The following TIAM1 variants were observed in gnomAD, a reference collection of about 807,000 sequenced individuals.
TIAM1 encodes the protein rho guanine nucleotide exchange factor TIAM1.
Under a neutral mutation model 163.5 loss-of-function variants are expected in TIAM1, and 65 were observed. The ratio of observed to expected loss-of-function variants is 0.40; its 90% confidence interval spans 0.33 to 0.49. TIAM1 has a LOEUF of 0.49. Ranked by LOEUF, TIAM1 falls within the 20% of genes least tolerant of loss-of-function variation. TIAM1 has a pLI of 0.77. For synonymous variants in TIAM1, 833 were observed against 810.1 expected (o/e 1.03, Z -0.48); for missense variants, 1,789 against 2,044.7 (o/e 0.87, Z 2.41).
At chr21:31,550,545 T>A (rs2048648958) in intron 1 of TIAM1, among the ~76,000 whole-genome samples, 1 of 152,188 alleles carries the variant, frequency 6.6e-6, no homozygotes, top group Admixed American at 6.5e-5. Context: ...GATGAAAGTG[T>A]CCTAAAATCG....
At chr21:31,489,068 CG>C (rs2046368821) in intron 1 of TIAM1, among the ~76,000 whole-genome samples, 1 of 151,202 alleles carries the variant, frequency 6.6e-6, no homozygotes, top group Non-Finnish European at 1.5e-5. Context: ...GCCAACTAAA[CG>C]GTAACAATAA....
chr21:31,240,188 G>A (rs957630492), intron 6 of TIAM1, among the ~76,000 whole-genome samples: 5 of 152,248 alleles, frequency 3.3e-5, no homozygotes, highest in Admixed American at 1.3e-4. Flanking sequence ...AAAGTGTCCT[G>A]GTGAATGCCA....
intron 1 of TIAM1, among the ~76,000 whole-genome samples, chr21:31,474,792 T>C (rs2045877587): frequency 6.6e-6 from 1 of 151,828 alleles, no homozygotes; most frequent in African/African-American, 2.4e-5. Context: ...TTGATCCGCC[T>C]GCCTTGGCCT....
chr21:31,326,123 A>G (rs2075480701), intron 2 of TIAM1, among the ~76,000 whole-genome samples: 1 of 151,130 alleles, frequency 6.6e-6, no homozygotes, highest in Admixed American at 6.6e-5. Context: ...CGAGACCCCA[A>G]CTCCCCTCCC....
intron 6 of TIAM1, among the ~76,000 whole-genome samples, chr21:31,231,440 T>C (rs1035188607): frequency 2.0e-5 from 3 of 152,144 alleles, no homozygotes; most frequent in Admixed American, 2.0e-4. Context: ...CCTTATTTAA[T>C]GAAAGTGGGT....
intron 15 of TIAM1, among the ~76,000 whole-genome samples, chr21:31,173,654 TATAAAGAGAAATTTA>T (rs1030871151): frequency 6.6e-6 from 1 of 152,228 alleles, no homozygotes; most frequent in Non-Finnish European, 1.5e-5. Flanking sequence ...TTTTGTTTCC[TATAAAGAGAAATTTA>T]AAATTCCATT....
chr21:31,258,488 T>C (rs1307723860), intron 4 of TIAM1, among the ~76,000 whole-genome samples: 1 of 152,010 alleles, frequency 6.6e-6, no homozygotes, highest in East Asian at 1.9e-4. Context: ...GCAATCGGAG[T>C]TCACTTAAAT....
intron 19 of TIAM1, among the ~76,000 whole-genome samples, chr21:31,152,394 A>C (rs959934985): frequency 3.9e-5 from 6 of 152,174 alleles, no homozygotes; most frequent in Non-Finnish European, 8.8e-5. Context: ...TAAACCAAAC[A>C]AAAGGTCAAG....
chr21:31,160,458 C>G (rs1314175897), intron 16 of TIAM1: 2 of 398,464 alleles, frequency 5.0e-6, no homozygotes, highest in Non-Finnish European at 8.8e-6. Flanking sequence ...ATGAAGTGTT[C>G]GATACATAGA....
At chr21:31,352,874 CAAAA>C (rs35370613) in intron 2 of TIAM1, among the ~76,000 whole-genome samples, 1 of 122,888 alleles carries the variant, frequency 8.1e-6, no homozygotes, top group African/African-American at 2.9e-5. Context: ...GACTCTGTCT[CAAAA>C]AAAAAAAAAA....
chr21:31,241,996 C>T (rs7283249), intron 6 of TIAM1, among the ~76,000 whole-genome samples: 3,476 of 152,068 alleles, frequency 0.023, 140 homozygotes, highest in African/African-American at 0.079. Context: ...GGTAATAGAG[C>T]AAGACCCTAT....
intron 2 of TIAM1, among the ~76,000 whole-genome samples, chr21:31,454,260 C>T (rs202235230): frequency 6.6e-6 from 1 of 152,096 alleles, no homozygotes; most frequent in East Asian, 1.9e-4. Flanking sequence ...AAAACACATG[C>T]TCAGGAAAAT....
intron 19 of TIAM1, 75 bp from the exon 20 acceptor site, chr21:31,147,078 G>T: frequency 8.0e-7 from 1 of 1,250,820 alleles, no homozygotes; most frequent in Non-Finnish European, 1.2e-6. Flanking sequence ...ATGGCAGGGA[G>T]CTCACATCTG....
At chr21:31,165,158 T>A in intron 15 of TIAM1, 93 bp from the exon 16 acceptor site, 1 of 1,107,928 alleles carries the variant, frequency 9.0e-7, no homozygotes, top group Admixed American at 1.9e-5. Context: ...ATCTCGCTCA[T>A]GACATGTACA....
At chr21:31,325,998 C>G (rs549454089) in intron 2 of TIAM1, among the ~76,000 whole-genome samples, 1 of 152,150 alleles carries the variant, frequency 6.6e-6, no homozygotes, top group African/African-American at 2.4e-5. Flanking sequence ...GCAAACCAAC[C>G]GTGTTTCTCA....
chr21:31,475,955 A>G (rs978610261), intron 1 of TIAM1, among the ~76,000 whole-genome samples: 2 of 152,156 alleles, frequency 1.3e-5, no homozygotes, highest in African/African-American at 4.8e-5. Flanking sequence ...TGTCAAAAAC[A>G]ATGCCTAAAA....
At position 31,252,054 on chromosome 21, in the gene TIAM1, C is replaced by T. The variant is rs2071841757; in HGVS notation, c.1099G>A (p.Gly367Ser). Residue 367 changes from glycine (G) to serine (S), a missense_variant, in exon 5 of 28, where the codon GGC becomes AGC. Physicochemically the swap from Gly to Ser is moderately conservative, Grantham distance 56. Coordinates refer to ENST00000541036, the MANE Select transcript of TIAM1 (RefSeq NM_001353694.2). ...YSPTTGRAFV[G>S]SDSGSSSTGD... ...GTGGAGCTGCTGCCGCTGTCGCTGC[C>T]CACAAAGGCCCGGCCTGTGGTGGGT... The T allele has an allele frequency of 1.2e-6, 2 of 1,614,054 alleles. No individual in the cohort carries two copies. Among genetic ancestry groups the T allele is most frequent in the East Asian group, 4.5e-5 (2 of 44,884 alleles).
Position 31,121,883 on chromosome 21 carries a change from C to T in TIAM1, c.4307-1046G>A, listed in dbSNP as rs541167679. ...TTCTGCTTCTCCCTCGAGAGTGAAGCGGTTGTTGCATTAGACACGAAAAGG... is the reference window on the plus strand; with the variant it reads ...TTCTGCTTCTCCCTCGAGAGTGAAGTGGTTGTTGCATTAGACACGAAAAGG... On this transcript the variant is annotated intron_variant, in intron 27 of 27. Coordinates refer to ENST00000541036, the MANE Select transcript of TIAM1 (RefSeq NM_001353694.2). Among the ~76,000 whole-genome samples, 19 of 152,324 alleles carry T rather than the reference C, an allele frequency of 1.2e-4. No homozygotes were observed. The South Asian group carries it at 1.4e-3, about 12-fold the overall frequency.
chr21:31,162,317 A>G (rs2083967347), intron 16 of TIAM1, among the ~76,000 whole-genome samples: 1 of 152,214 alleles, frequency 6.6e-6, no homozygotes. Flanking sequence ...TTAAATAAGT[A>G]TTACTTCTCA....
Sources: gnomAD v4.1 joint callset for allele counts (sites outside exome capture counted in the v4.1 genomes callset) on GRCh38, gnomAD v4.1.1 for gene constraint, MANE v1.5 for transcripts, NCBI Gene and HGNC (gene_info 2026-07-23, HGNC 2026-07-21) for gene names.